The following ARHGEF7 variants were observed in gnomAD, a reference collection of about 807,000 sequenced individuals.
ARHGEF7 encodes the protein PAK-interacting exchange factor beta.
ARHGEF7 carries 33 observed loss-of-function variants against 109.8 expected under a neutral mutation model. The observed-to-expected ratio is 0.30, with a 90% CI of 0.23 to 0.40. ARHGEF7 has a LOEUF of 0.40. Ranked by LOEUF, ARHGEF7 falls within the 10% of genes least tolerant of loss-of-function variation. ARHGEF7 has a pLI of 1.00. For missense variants in ARHGEF7, 938 were observed against 1,098.5 expected (o/e 0.85, Z 2.07); for synonymous variants, 458 against 424.6 (o/e 1.08, Z -0.97).
intron 19 of ARHGEF7, among the ~76,000 whole-genome samples, chr13:111,297,125 T>G (rs1307923295): frequency 6.6e-6 from 1 of 152,232 alleles, no homozygotes; most frequent in East Asian, 1.9e-4. Context: ...AAAGAAGTAG[T>G]CAACTTACGT....
chr13:111,167,195 G>C (rs2077199119), intron 2 of ARHGEF7, among the ~76,000 whole-genome samples: 1 of 152,152 alleles, frequency 6.6e-6, no homozygotes, highest in South Asian at 2.1e-4. Flanking sequence ...GCAAAAATAG[G>C]TTTGTGGTCA....
chr13:111,292,946 G>A (rs2093334742), intron 19 of ARHGEF7: 1 of 986,040 alleles, frequency 1.0e-6, no homozygotes, highest in Non-Finnish European at 1.2e-6. Flanking sequence ...TCCACCTCAC[G>A]GCTCTGTGCT....
At chr13:111,159,513 G>A (rs1566662076) in intron 2 of ARHGEF7, among the ~76,000 whole-genome samples, 1 of 152,184 alleles carries the variant, frequency 6.6e-6, no homozygotes, top group Non-Finnish European at 1.5e-5. Context: ...CAATGTGCAA[G>A]GCTTATCTTT....
chr13:111,174,800 C>T (rs139236822), intron 2 of ARHGEF7, among the ~76,000 whole-genome samples: 10 of 152,286 alleles, frequency 6.6e-5, no homozygotes, highest in Admixed American at 2.0e-4. Context: ...GAGGAAACAC[C>T]GGGAGGTCCT....
intron 1 of ARHGEF7, among the ~76,000 whole-genome samples, chr13:111,126,726 A>G (rs983604176): frequency 6.6e-6 from 1 of 152,216 alleles, no homozygotes; most frequent in Non-Finnish European, 1.5e-5. Flanking sequence ...TTGCAATGTC[A>G]GCTATCTAGG....
intron 2 of ARHGEF7, chr13:111,158,955 A>C (rs1046518651): frequency 1.4e-6 from 1 of 714,446 alleles, no homozygotes; most frequent in Non-Finnish European, 2.6e-6. Flanking sequence ...ACAATAGATC[A>C]CTAAAATTTA....
intron 2 of ARHGEF7, among the ~76,000 whole-genome samples, chr13:111,201,017 C>A (rs149408797): frequency 6.6e-6 from 1 of 152,036 alleles, no homozygotes; most frequent in Non-Finnish European, 1.5e-5. Flanking sequence ...TAATGAAGTT[C>A]GGCCTTCAAT....
intron 12 of ARHGEF7, among the ~76,000 whole-genome samples, chr13:111,276,205 G>C (rs1362152769): frequency 6.6e-6 from 1 of 152,176 alleles, no homozygotes; most frequent in African/African-American, 2.4e-5. Flanking sequence ...CGAGCAGTTT[G>C]TTTCATGATT....
At chr13:111,168,390 C>T (rs1215369626) in intron 2 of ARHGEF7, among the ~76,000 whole-genome samples, 1 of 152,196 alleles carries the variant, frequency 6.6e-6, no homozygotes, top group African/African-American at 2.4e-5. Flanking sequence ...GAGTCCCCGC[C>T]TCCTGCAGAT....
At chr13:111,286,831 TG>T (rs1169815475) in intron 17 of ARHGEF7, among the ~76,000 whole-genome samples, 1 of 152,208 alleles carries the variant, frequency 6.6e-6, no homozygotes, top group East Asian at 1.9e-4. Flanking sequence ...GTGATTTTCC[TG>T]GGGGTGACTG....
At chr13:111,142,230 T>C (rs1247525398) in intron 1 of ARHGEF7, among the ~76,000 whole-genome samples, 2 of 152,226 alleles carry the variant, frequency 1.3e-5, no homozygotes, top group African/African-American at 4.8e-5. Flanking sequence ...TGATTAGATG[T>C]GTTTTGCAAA....
At chr13:111,267,837 A>G (rs958254012) in intron 9 of ARHGEF7, among the ~76,000 whole-genome samples, 167 bp downstream of exon 9, 1 of 152,226 alleles carries the variant, frequency 6.6e-6, no homozygotes, top group Non-Finnish European at 1.5e-5. Context: ...AGTCTTTAAA[A>G]TGATGGTGAG....
intron 2 of ARHGEF7, among the ~76,000 whole-genome samples, chr13:111,167,765 C>T (rs1032331757): frequency 1.3e-5 from 2 of 152,254 alleles, no homozygotes; most frequent in Non-Finnish European, 2.9e-5. Context: ...GAGGCACACA[C>T]GGACTCTTTT....
chr13:111,166,113 C>T (rs1158635892), intron 2 of ARHGEF7, among the ~76,000 whole-genome samples: 2 of 152,228 alleles, frequency 1.3e-5, no homozygotes, highest in Non-Finnish European at 2.9e-5. Flanking sequence ...AGGCTGTCCA[C>T]ATCCCTCACC....
intron 8 of ARHGEF7, among the ~76,000 whole-genome samples, chr13:111,245,322 G>GAGCT (rs2088617933): frequency 6.6e-6 from 1 of 152,098 alleles, no homozygotes; most frequent in Admixed American, 6.5e-5. Flanking sequence ...TCCAACCACT[G>GAGCT]AGCTGGTTGT....
intron 3 of ARHGEF7, among the ~76,000 whole-genome samples, chr13:111,207,716 T>A (rs2082059815): frequency 6.6e-6 from 1 of 152,184 alleles, no homozygotes; most frequent in Non-Finnish European, 1.5e-5. Context: ...GTACACTCAG[T>A]CTTGGGATTG....
At chr13:111,164,036 C>A (rs1344746897) in intron 2 of ARHGEF7, among the ~76,000 whole-genome samples, 2 of 151,314 alleles carry the variant, frequency 1.3e-5, no homozygotes, top group Non-Finnish European at 2.9e-5. Flanking sequence ...CTGTGAGTGG[C>A]CCCCGTATTG....
At chr13:111,265,823 A>T (rs182712606) in intron 8 of ARHGEF7, 2 of 435,192 alleles carry the variant, frequency 4.6e-6, no homozygotes, top group Admixed American at 4.8e-5. Context: ...TGAGGATGCA[A>T]TAGGGGACCA....
chr13:111,215,621 C>T (rs78314470), intron 4 of ARHGEF7, among the ~76,000 whole-genome samples: 230 of 152,284 alleles, frequency 1.5e-3, no homozygotes, highest in Non-Finnish European at 2.5e-3. Flanking sequence ...ATTTTGTTTT[C>T]GAGAATTAGT....
Sources: gnomAD v4.1 joint callset for allele counts (sites outside exome capture counted in the v4.1 genomes callset) on GRCh38, gnomAD v4.1.1 for gene constraint, MANE v1.5 for transcripts, NCBI Gene and HGNC (gene_info 2026-07-23, HGNC 2026-07-21) for gene names.